ADAMTS9: variants seen among roughly 807,000 people sequenced by gnomAD.
ADAMTS9 encodes the protein A disintegrin and metalloproteinase with thrombospondin motifs 9.
Under a neutral mutation model 257.1 loss-of-function variants are expected in ADAMTS9, and 107 were observed. The observed-to-expected ratio is 0.42, with a 90% confidence interval of 0.36 to 0.49. The LOEUF (loss-of-function observed/expected upper bound fraction) is 0.49. Ranked by LOEUF, ADAMTS9 falls within the 20% of genes least tolerant of loss-of-function variation. The probability of loss-of-function intolerance (pLI) is 0.03; values close to 1 mark genes in which losing one functional copy is unlikely to be tolerated. For synonymous variants in ADAMTS9, 982 were observed against 880.9 expected, an observed-to-expected ratio of 1.11 and a Z score of -2.03; for missense variants, 2,353 against 2,469.1, an observed-to-expected ratio of 0.95 and a Z score of 1.00.
intron 19 of ADAMTS9, among the ~76,000 whole-genome samples, chr3:64,618,114 G>C (rs1411594691): frequency 2.0e-5 from 3 of 152,138 alleles, no homozygotes; most frequent in Non-Finnish European, 4.4e-5. Flanking sequence ...AAATAGGCAT[G>C]ATCTTCTGGT....
rs192544773 is a variant in ADAMTS9, at chr3:64,681,101, T to C, written c.679+100A>G. 5.2e-6 allele frequency: 7 copies of C among 1,352,444 alleles called. No homozygotes were observed. In the Admixed American group the frequency reaches 7.1e-5, roughly 14 times the overall value. The allele number at this position is 1,352,444 out of a possible 1,614,324, so 83.8% of individuals were successfully genotyped here. ...AGGACTGAATAAACAATAATGCATA[T>C]GGTTGCACTTTGTAGACTGAAAGAG... On this transcript the variant is annotated intron_variant, in intron 3 of 39. Coordinates refer to ENST00000498707, the MANE Select transcript of ADAMTS9 (RefSeq NM_182920.2).
At chr3:64,678,063 G>T (rs1701666382) in intron 3 of ADAMTS9, among the ~76,000 whole-genome samples, 2 of 152,162 alleles carry the variant, frequency 1.3e-5, no homozygotes, top group Non-Finnish European at 2.9e-5. Context: ...CAGTCATTGT[G>T]TCTTGCCCTG....
chr3:64,542,220 TACAC>T lies in ADAMTS9; in HGVS notation c.5065-254_5065-251del, dbSNP rs60208170. Among the ~76,000 whole-genome samples the T allele has an allele frequency of 6.9e-3, 923 of 133,182 alleles. 3 individuals carry two copies. Among genetic ancestry groups the T allele is most frequent in the Middle Eastern group, 0.023 (6 of 262 alleles). The allele number at this position is 133,182 out of a possible 152,430, so 87.4% of individuals were successfully genotyped here. On this transcript the variant is annotated intron_variant, in intron 32 of 39. Coordinates refer to ENST00000498707, the MANE Select transcript of ADAMTS9 (RefSeq NM_182920.2). ...TATAAAACACTTATATGTGTAATTT[TACAC>T]ACACACACACACACACATAATTTTT...
chr3:64,549,295 G>C (rs907827096), intron 31 of ADAMTS9, among the ~76,000 whole-genome samples: 14 of 152,166 alleles, frequency 9.2e-5, no homozygotes, highest in Admixed American at 3.3e-4. Context: ...TTCATCTTTT[G>C]GGGGTTATGG....
intron 30 of ADAMTS9, among the ~76,000 whole-genome samples, chr3:64,552,563 T>G (rs1009463226): frequency 2.6e-5 from 4 of 151,066 alleles, no homozygotes; most frequent in African/African-American, 9.7e-5. Flanking sequence ...ATGTTGTCTT[T>G]TCTTTTCTTT....
At chr3:64,651,239 C>A (rs185818048) in intron 8 of ADAMTS9, 76 bp from the exon 9 acceptor site, 75 of 1,348,514 alleles carry the variant, frequency 5.6e-5, no homozygotes, top group East Asian at 2.7e-5. Context: ...TTCAGGAATG[C>A]AACTATCTAA....
At chr3:64,525,458 G>A (rs1026424362) in intron 38 of ADAMTS9, among the ~76,000 whole-genome samples, 2 of 151,988 alleles carry the variant, frequency 1.3e-5, no homozygotes, top group African/African-American at 4.8e-5. Context: ...AGGATTTTTT[G>A]GGGTTACATT....
intron 37 of ADAMTS9, among the ~76,000 whole-genome samples, chr3:64,538,473 TA>T (rs1481680577): frequency 2.7e-5 from 4 of 150,564 alleles, no homozygotes; most frequent in Non-Finnish European, 4.4e-5. Flanking sequence ...AGTTAAACAT[TA>T]AATTAAAAAA....
chr3:64,658,695 C>G lies in ADAMTS9; in HGVS notation c.776G>C (p.Ser259Thr), dbSNP rs1329184350. Residue 259 changes from serine to threonine, a missense_variant, in exon 4 of 40, where the codon AGC becomes ACC. Transcript: ENST00000498707. ...NLAGDVAALN[S>T]GLATEAFSAY... ...AGAAAATGCCTCTGTTGCTAAGCCGCTGTTTAATGCTGCTACGTCACCAGC... is the reference window on the plus strand; with the variant it reads ...AGAAAATGCCTCTGTTGCTAAGCCGGTGTTTAATGCTGCTACGTCACCAGC... 1 of 1,614,150 alleles carries G rather than the reference C, an allele frequency of 6.2e-7. No homozygotes were observed. The highest frequency in any genetic ancestry group is 8.5e-7 in the Non-Finnish European group (1 of 1,180,032).
At chr3:64,624,359 T>C (rs1042820598) in intron 16 of ADAMTS9, among the ~76,000 whole-genome samples, 1 of 152,102 alleles carries the variant, frequency 6.6e-6, no homozygotes, top group Non-Finnish European at 1.5e-5. Context: ...GGGTGATAGA[T>C]ACATTAATTA....
chr3:64,603,478 G>A (rs2084502483), intron 25 of ADAMTS9, among the ~76,000 whole-genome samples: 1 of 152,112 alleles, frequency 6.6e-6, no homozygotes, highest in East Asian at 1.9e-4. Context: ...ACTGGATGAG[G>A]ATTCCCACTT....
chr3:64,641,398 C>T (rs981129428), intron 12 of ADAMTS9, among the ~76,000 whole-genome samples: 1 of 151,218 alleles, frequency 6.6e-6, no homozygotes, highest in African/African-American at 2.4e-5. Context: ...TATACATGTG[C>T]CATGCTGGTG....
chr3:64,552,590 T>G (rs1441355528), intron 30 of ADAMTS9, among the ~76,000 whole-genome samples: 2 of 151,526 alleles, frequency 1.3e-5, no homozygotes, highest in Non-Finnish European at 1.5e-5. Flanking sequence ...TTTTTTTTTT[T>G]GAGACAAAGT....
chr3:64,587,469 T>A (rs572076746), intron 28 of ADAMTS9: 1 of 152,342 alleles, frequency 6.6e-6, no homozygotes, highest in East Asian at 1.9e-4. Flanking sequence ...AAAATTACAT[T>A]AAAAATGCAG....
chr3:64,685,972 G>A (rs1257094387), intron 2 of ADAMTS9, among the ~76,000 whole-genome samples: 1 of 152,150 alleles, frequency 6.6e-6, no homozygotes, highest in African/African-American at 2.4e-5. Context: ...CAGAGCCCTC[G>A]GCCCACCCTT....
intron 3 of ADAMTS9, among the ~76,000 whole-genome samples, chr3:64,666,580 G>T (rs1334465329): frequency 6.6e-6 from 1 of 152,076 alleles, no homozygotes; most frequent in Non-Finnish European, 1.5e-5. Flanking sequence ...AGCTACTCTA[G>T]TTGCCCTTTC....
intron 14 of ADAMTS9, among the ~76,000 whole-genome samples, chr3:64,632,132 G>A (rs1207490730): frequency 1.3e-5 from 2 of 152,058 alleles, no homozygotes; most frequent in Non-Finnish European, 2.9e-5. Flanking sequence ...CCTTTGATGT[G>A]GTCAGGAATG....
chr3:64,603,148 G>A (rs777718988), intron 25 of ADAMTS9, among the ~76,000 whole-genome samples: 3 of 152,068 alleles, frequency 2.0e-5, no homozygotes, highest in Non-Finnish European at 2.9e-5. Context: ...ATTCTTTTCC[G>A]TCTTCTTTAA....
At chr3:64,677,567 G>C (rs577866220) in intron 3 of ADAMTS9, among the ~76,000 whole-genome samples, 3 of 152,240 alleles carry the variant, frequency 2.0e-5, no homozygotes, top group African/African-American at 7.2e-5. Context: ...TTGAATTTTA[G>C]TATTTGGAGT....
Sources: allele counts gnomAD v4.1 joint callset (sites outside exome capture counted in the v4.1 genomes callset), GRCh38; gene constraint gnomAD v4.1.1; transcripts MANE v1.5; gene names NCBI Gene and HGNC (gene_info 2026-07-23, HGNC 2026-07-21).